Variants in TM9SF4 observed in about 807,000 individuals in gnomAD.
TM9SF4 encodes transmembrane 9 superfamily member 4.
In TM9SF4, 26 loss-of-function variants were observed where a neutral mutation model predicts 90.4. That is an observed-to-expected ratio of 0.29 (90% CI 0.21 to 0.40). TM9SF4 has a LOEUF of 0.40. Among genes scored for constraint, TM9SF4 ranks in the 10% least tolerant of loss-of-function variants. The probability of loss-of-function intolerance (pLI) is 1.00; values close to 1 mark genes in which losing one functional copy is unlikely to be tolerated. For missense variants in TM9SF4, 549 were observed against 834.8 expected, an observed-to-expected ratio of 0.66 and a Z score of 4.22; for synonymous variants, 293 against 315.4, an observed-to-expected ratio of 0.93 and a Z score of 0.75.
intron 3 of TM9SF4, among the ~76,000 whole-genome samples, chr20:32,138,404 G>A (rs529185661): frequency 9.2e-5 from 14 of 152,132 alleles, no homozygotes; most frequent in Non-Finnish European, 1.9e-4. Flanking sequence ...CAGAGTAGGC[G>A]GATCACCTGA....
chr20:32,139,061 GA>G (rs1412864199), intron 3 of TM9SF4, among the ~76,000 whole-genome samples: 1 of 152,218 alleles, frequency 6.6e-6, no homozygotes, highest in East Asian at 1.9e-4. Context: ...AAACAGGGTG[GA>G]GGGGTGAGGC....
chr20:32,122,393 C>T (rs1264241103), intron 1 of TM9SF4, among the ~76,000 whole-genome samples: 1 of 151,002 alleles, frequency 6.6e-6, no homozygotes, highest in African/African-American at 2.4e-5. Flanking sequence ...GGCGGAGAGG[C>T]TCCTCACTTC....
chr20:32,110,983 A>G (rs1345689122), intron 1 of TM9SF4, among the ~76,000 whole-genome samples: 1 of 152,262 alleles, frequency 6.6e-6, no homozygotes, highest in Non-Finnish European at 1.5e-5. Flanking sequence ...AGAAAAGGAA[A>G]TGACATTTGA....
intron 17 of TM9SF4, among the ~76,000 whole-genome samples, chr20:32,162,030 A>C (rs1403624336): frequency 6.6e-6 from 1 of 152,160 alleles, no homozygotes; most frequent in African/African-American, 2.4e-5. Flanking sequence ...CGAGAGAGAG[A>C]CGTGGGCAAG....
At chr20:32,156,036 G>A (rs1320541648) in intron 13 of TM9SF4, among the ~76,000 whole-genome samples, 4 of 152,300 alleles carry the variant, frequency 2.6e-5, no homozygotes, top group South Asian at 2.1e-4. Context: ...GTGCAGAGAA[G>A]TTAAAGAAGA....
At chr20:32,137,689 C>T (rs1046445999) in intron 3 of TM9SF4, among the ~76,000 whole-genome samples, 2 of 152,156 alleles carry the variant, frequency 1.3e-5, no homozygotes, top group Admixed American at 6.5e-5. Context: ...TCCTTGATTG[C>T]GTGACTGTTG....
intron 12 of TM9SF4, among the ~76,000 whole-genome samples, chr20:32,154,823 C>T (rs1047580251): frequency 6.6e-6 from 1 of 152,232 alleles, no homozygotes; most frequent in African/African-American, 2.4e-5. Flanking sequence ...TCCCAAGGAG[C>T]TCACAGTCTT....
At chr20:32,148,876 T>C (rs2046801298) in intron 9 of TM9SF4, among the ~76,000 whole-genome samples, 1 of 152,098 alleles carries the variant, frequency 6.6e-6, no homozygotes, top group South Asian at 2.1e-4. Context: ...TTCACCCTGT[T>C]AGCCAGGATG....
intron 17 of TM9SF4, among the ~76,000 whole-genome samples, chr20:32,163,557 C>T (rs1449144591): frequency 6.6e-6 from 1 of 151,210 alleles, no homozygotes; most frequent in East Asian, 1.9e-4. Context: ...TTTTCCAGGT[C>T]CAATAGCATC....
At chr20:32,165,206 C>G (rs1030021093) in intron 17 of TM9SF4, 89 bp from the exon 18 acceptor site, 8 of 1,564,754 alleles carry the variant, frequency 5.1e-6, no homozygotes, top group Non-Finnish European at 7.0e-6. Context: ...CCTCAGTTTC[C>G]CCATGATATC....
chr20:32,138,319 A>G (rs1290347971), intron 3 of TM9SF4, among the ~76,000 whole-genome samples: 1 of 152,196 alleles, frequency 6.6e-6, no homozygotes. Flanking sequence ...CTTACTGCTC[A>G]TTGTTAAAAG....
At chr20:32,146,094 T>C (rs2046758519) in intron 8 of TM9SF4, among the ~76,000 whole-genome samples, 3 of 152,132 alleles carry the variant, frequency 2.0e-5, no homozygotes, top group African/African-American at 7.2e-5. Context: ...CTAAATACTG[T>C]TTATTAAACA....
Position 32,142,016 on chromosome 20 carries a change from A to G in TM9SF4, c.528+121A>G, listed in dbSNP as rs904230120. 2.8e-4 allele frequency: 426 copies of G among 1,505,378 alleles called. 2 individuals are homozygous for G. The highest frequency in any genetic ancestry group is 2.9e-4 in the Non-Finnish European group (319 of 1,112,880). The allele number at this position is 1,505,378 out of a possible 1,614,324, so 93.3% of individuals were successfully genotyped here. ...AGTTTCTCCAGGTGCCCTGGGCATG[A>G]TGGTCTGTCAGAGGTCCGAGTGCTC... On this transcript the variant is annotated intron_variant, in intron 5 of 17. Coordinates refer to ENST00000398022, the MANE Select transcript of TM9SF4 (RefSeq NM_014742.4).
At chr20:32,110,301 G>T (rs927171836) in intron 1 of TM9SF4, among the ~76,000 whole-genome samples, 1 of 151,974 alleles carries the variant, frequency 6.6e-6, no homozygotes, top group African/African-American at 2.4e-5. Context: ...CGCTACCCCA[G>T]AGCTTGCCTT....
Position 32,157,850 on chromosome 20 carries a change from C to T in TM9SF4, c.1386C>T (p.Pro462=). 6.2e-7 allele frequency: 1 copy of T among 1,614,140 alleles called. No individual in the cohort carries two copies. The highest frequency in any genetic ancestry group is 8.5e-7 in the Non-Finnish European group (1 of 1,180,030). ...LLCMWFGISL[P]LVYLGYYFGF... ...GCATGTGGTTCGGGATCTCCCTGCC[C>T]CTCGTCTACTTGGGCTACTACTTCG... Residue 462 remains proline (P), a synonymous_variant, in exon 14 of 18, where the codon CCC becomes CCT. Coordinates refer to ENST00000398022, the MANE Select transcript of TM9SF4 (RefSeq NM_014742.4).
chr20:32,146,982 CTTT>C (rs11476027), intron 9 of TM9SF4, 127 bp downstream of exon 9: 2,990 of 578,192 alleles, frequency 5.2e-3, no homozygotes, highest in East Asian at 7.1e-3. Flanking sequence ...GTTTAGTATA[CTTT>C]TTTTTTTTTT....
At chr20:32,155,333 A>T in intron 13 of TM9SF4, 147 bp downstream of exon 13, 1 of 740,202 alleles carries the variant, frequency 1.4e-6, no homozygotes, top group East Asian at 2.6e-5. Flanking sequence ...GCAGAGGGCC[A>T]GCTGGGGTTT....
intron 17 of TM9SF4, 119 bp downstream of exon 17, chr20:32,161,484 C>T (rs1344422038): frequency 1.1e-5 from 9 of 820,340 alleles, no homozygotes; most frequent in Non-Finnish European, 1.8e-5. Flanking sequence ...ATGGGGAGGA[C>T]CAAAGCCACC....
intron 1 of TM9SF4, among the ~76,000 whole-genome samples, chr20:32,128,606 A>G (rs1198006206): frequency 2.6e-5 from 4 of 152,090 alleles, no homozygotes; most frequent in Non-Finnish European, 5.9e-5. Context: ...AGAGCCTCCA[A>G]TGTTATTATT....
Sources: allele counts gnomAD v4.1 joint callset (sites outside exome capture counted in the v4.1 genomes callset), GRCh38; gene constraint gnomAD v4.1.1; transcripts MANE v1.5; gene names NCBI Gene and HGNC (gene_info 2026-07-23, HGNC 2026-07-21).